The following ADAMTSL1 variants were observed in gnomAD, a reference collection of about 807,000 sequenced individuals.
ADAMTSL1 encodes the protein ADAMTS-like protein 1.
A neutral mutation model predicts 201.8 loss-of-function variants in ADAMTSL1; 126 were observed. The ratio of observed to expected loss-of-function variants is 0.62; its 90% CI spans 0.54 to 0.72. The LOEUF (loss-of-function observed/expected upper bound fraction) is 0.72, where lower values mean the gene tolerates loss of function less well. Ranked by LOEUF, ADAMTSL1 falls within the 30% of genes least tolerant of loss-of-function variation. ADAMTSL1 has a pLI of 0.00. For synonymous variants in ADAMTSL1, 1,121 were observed against 903.4 expected (o/e 1.24, Z -4.32); for missense variants, 2,679 against 2,277.8 (o/e 1.18, Z -3.59).
chr9:18,235,969 A>G (rs1197351040), intron 2 of ADAMTSL1, among the ~76,000 whole-genome samples: 2 of 152,242 alleles, frequency 1.3e-5, no homozygotes, highest in African/African-American at 4.8e-5. Flanking sequence ...GGGCAAGATG[A>G]TGCTTTTGTA....
At chr9:18,319,331 A>G (rs963446009) in intron 2 of ADAMTSL1, among the ~76,000 whole-genome samples, 4 of 152,162 alleles carry the variant, frequency 2.6e-5, no homozygotes, top group Non-Finnish European at 5.9e-5. Context: ...TTATATTTAT[A>G]TTTTCCATTT....
At position 18,536,055 on chromosome 9, in the gene ADAMTSL1, A is replaced by G. The variant is rs559409794; in HGVS notation, c.237+2763A>G. Reference sequence around the variant, plus strand: ...AAGTTGATGCTGAATTTTTTTAATGAGAATCTAGAATCTTCAAATAATTTG... The same window carrying G: ...AAGTTGATGCTGAATTTTTTTAATGGGAATCTAGAATCTTCAAATAATTTG... On this transcript the variant is annotated intron_variant, in intron 3 of 28. Transcript: ENST00000380548. Among the ~76,000 whole-genome samples, 15 of 152,290 alleles carry G rather than the reference A, an allele frequency of 9.8e-5. No homozygotes were observed. The South Asian group carries it at 3.1e-3, about 32-fold the overall frequency.
chr9:18,827,408 C>T (rs1462311392), intron 22 of ADAMTSL1, among the ~76,000 whole-genome samples: 1 of 152,072 alleles, frequency 6.6e-6, no homozygotes, highest in Non-Finnish European at 1.5e-5. Context: ...TATACCAACA[C>T]ATAGGTCCTT....
chr9:17,937,083 G>A (rs1476812813), intron 1 of ADAMTSL1, among the ~76,000 whole-genome samples: 1 of 152,154 alleles, frequency 6.6e-6, no homozygotes, highest in Non-Finnish European at 1.5e-5. Flanking sequence ...CCTGTCTGCT[G>A]TTGTTGGTGC....
At position 18,544,259 on chromosome 9, in the gene ADAMTSL1, A is replaced by G. The variant is rs533744141; in HGVS notation, c.237+10967A>G. Among the ~76,000 whole-genome samples the G allele has an allele frequency of 5.3e-5, 8 of 152,324 alleles. No homozygotes were observed. In the South Asian group the frequency reaches 1.5e-3, roughly 28 times the overall value. The stretch of plus-strand genomic sequence containing the variant: ...TAAAAGCTAAGTGAGTGACACTCTT[A>G]CAAGAAACAGGGCCCAGTGAAACCA... On this transcript the variant is annotated intron_variant, in intron 3 of 28. Transcript: ENST00000380548.
At chr9:18,837,559 C>G (rs547842373) in intron 23 of ADAMTSL1, among the ~76,000 whole-genome samples, 86 of 152,336 alleles carry the variant, frequency 5.6e-4, no homozygotes, top group African/African-American at 2.0e-3. Context: ...GACACTGGTA[C>G]TTCTAATTCT....
intron 2 of ADAMTSL1, among the ~76,000 whole-genome samples, chr9:18,250,509 T>C (rs1831421191): frequency 6.6e-6 from 1 of 152,114 alleles, no homozygotes; most frequent in South Asian, 2.1e-4. Context: ...AGAATGTCCT[T>C]TTTCAAGACA....
At chr9:18,547,202 G>A (rs1820518979) in intron 3 of ADAMTSL1, among the ~76,000 whole-genome samples, 1 of 152,098 alleles carries the variant, frequency 6.6e-6, no homozygotes, top group Non-Finnish European at 1.5e-5. Flanking sequence ...GAGGGAGGAA[G>A]AGAATAAAGA....
intron 2 of ADAMTSL1, among the ~76,000 whole-genome samples, chr9:18,407,771 T>G (rs1387366693): frequency 6.6e-6 from 1 of 152,186 alleles, no homozygotes; most frequent in Non-Finnish European, 1.5e-5. Flanking sequence ...AGAGTAAGTA[T>G]TATCTCACCT....
intron 1 of ADAMTSL1, among the ~76,000 whole-genome samples, chr9:18,021,885 A>G (rs1820493165): frequency 6.6e-6 from 1 of 152,122 alleles, no homozygotes; most frequent in South Asian, 2.1e-4. Flanking sequence ...GTAATCAGGA[A>G]CTGGCCTGGT....
At chr9:18,742,940 G>A (rs900289003) in intron 15 of ADAMTSL1, among the ~76,000 whole-genome samples, 2 of 152,066 alleles carry the variant, frequency 1.3e-5, no homozygotes, top group Admixed American at 6.6e-5. Flanking sequence ...AACAACCCTG[G>A]AACTATTTTT....
intron 1 of ADAMTSL1, among the ~76,000 whole-genome samples, chr9:17,980,496 TACTTG>T (rs968965479): frequency 6.6e-6 from 1 of 152,196 alleles, no homozygotes; most frequent in African/African-American, 2.4e-5. Context: ...CTAGCACTTC[TACTTG>T]ACTTCTTTTC....
intron 4 of ADAMTSL1, among the ~76,000 whole-genome samples, chr9:18,612,655 A>G (rs1825454946): frequency 6.6e-6 from 1 of 152,248 alleles, no homozygotes; most frequent in Non-Finnish European, 1.5e-5. Flanking sequence ...TTCTGGGATA[A>G]CTGTCTAGCC....
At chr9:18,892,713 G>C in intron 26 of ADAMTSL1, 117 bp downstream of exon 26, 1 of 1,230,800 alleles carries the variant, frequency 8.1e-7, no homozygotes. Context: ...CATTCTGATT[G>C]GCCAGGCATA....
chr9:18,221,885 C>G (rs771589645), intron 2 of ADAMTSL1, among the ~76,000 whole-genome samples: 5 of 151,932 alleles, frequency 3.3e-5, no homozygotes, highest in Non-Finnish European at 7.4e-5. Context: ...GTTTGTCAGG[C>G]ATGTTAGAAT....
At chr9:18,174,756 T>C (rs1489827082) in intron 2 of ADAMTSL1, among the ~76,000 whole-genome samples, 1 of 152,148 alleles carries the variant, frequency 6.6e-6, no homozygotes, top group Non-Finnish European at 1.5e-5. Context: ...TGATGCAATT[T>C]CTAAATGTTC....
intron 23 of ADAMTSL1, among the ~76,000 whole-genome samples, chr9:18,849,769 C>G (rs577772609): frequency 3.3e-5 from 5 of 152,182 alleles, no homozygotes; most frequent in Admixed American, 6.5e-5. Flanking sequence ...AAAGCTTTGC[C>G]CACAAAGAGA....
At chr9:18,384,405 C>T (rs1232750905) in intron 2 of ADAMTSL1, among the ~76,000 whole-genome samples, 1 of 152,138 alleles carries the variant, frequency 6.6e-6, no homozygotes, top group East Asian at 1.9e-4. Context: ...AATTACAATT[C>T]AACATGAGAT....
At chr9:18,351,236 C>G (rs1419622292) in intron 2 of ADAMTSL1, among the ~76,000 whole-genome samples, 1 of 143,056 alleles carries the variant, frequency 7.0e-6, no homozygotes, top group East Asian at 2.0e-4. Context: ...AGAAAAATAA[C>G]TTTTAAGATG....
Sources: gnomAD v4.1 joint callset for allele counts (sites outside exome capture counted in the v4.1 genomes callset) on GRCh38, gnomAD v4.1.1 for gene constraint, MANE v1.5 for transcripts, NCBI Gene and HGNC (gene_info 2026-07-23, HGNC 2026-07-21) for gene names.